PARD6G: variants seen among roughly 807,000 people sequenced by gnomAD.
The protein encoded by PARD6G is par-6 family cell polarity regulator gamma, also known as partitioning defective 6 homolog gamma.
A neutral mutation model predicts 10.7 loss-of-function variants in PARD6G; 7 were observed. That is an observed-to-expected ratio of 0.66 (90% CI 0.37 to 1.23). The LOEUF is 1.23. Among genes scored for constraint, PARD6G ranks in the 50% most tolerant of loss-of-function variants. The pLI is 0.02. For missense variants in PARD6G, 548 were observed against 571.8 expected, an observed-to-expected ratio of 0.96 and a Z score of 0.42; for synonymous variants, 287 against 269.4, an observed-to-expected ratio of 1.07 and a Z score of -0.64.
rs1568422987 is a variant in PARD6G, at chr18:80,158,267, C to T, written c.*1504G>A. 1 of 152,246 alleles carries T rather than the reference C, an allele frequency of 6.6e-6. No individual in the cohort carries two copies. The highest frequency in any genetic ancestry group is 1.5e-5 in the Non-Finnish European group (1 of 68,048). 9.4% of individuals were successfully genotyped at this position (152,246 alleles called of 1,614,324 possible). On this transcript the variant is annotated 3_prime_UTR_variant, in exon 3 of 3. Transcript: ENST00000353265. ...AAATGAAAATTAGCATGTATTGTGA[C>T]TTACTAAAAGAAACGTCTGTTTCAG...
rs1380383665 is a variant in PARD6G, at chr18:80,184,721, C to T, written c.295+17989G>A. Reference sequence around the variant, plus strand: ...ACCATGCACCGTATGATTCCTTTCACGTGAAATTTCCAGAACAGGGAAATG... The same window carrying T: ...ACCATGCACCGTATGATTCCTTTCATGTGAAATTTCCAGAACAGGGAAATG... On this transcript the variant is annotated intron_variant, in intron 2 of 2. Transcript: ENST00000353265. This position sits in a 1 kb window ranked among gnomAD's most constrained non-coding sequence, Gnocchi z 4.5. 1 of 151,678 alleles carries T rather than the reference C, an allele frequency of 6.6e-6. No individual in the cohort carries two copies. Among genetic ancestry groups the T allele is most frequent in the Admixed American group, 6.6e-5 (1 of 15,238 alleles). 9.4% of individuals were successfully genotyped at this position (151,678 alleles called of 1,614,324 possible).
intron 1 of PARD6G, among the ~76,000 whole-genome samples, chr18:80,208,738 G>GT (rs1049399024): frequency 7.9e-5 from 12 of 151,504 alleles, no homozygotes; most frequent in Middle Eastern, 3.4e-3. Flanking sequence ...CCTTGTTTAT[G>GT]TTAAAAAAAA....
At chr18:80,172,014 C>A (rs921652701) in intron 2 of PARD6G, among the ~76,000 whole-genome samples, 5 of 152,214 alleles carry the variant, frequency 3.3e-5, no homozygotes, top group Non-Finnish European at 5.9e-5. Context: ...AGACGCAGAA[C>A]CAAGTTTTTG....
intron 1 of PARD6G, among the ~76,000 whole-genome samples, chr18:80,207,239 T>C (rs1047863030): frequency 1.0e-5 from 1 of 95,544 alleles, no homozygotes; most frequent in African/African-American, 2.9e-5. Context: ...AGATGTTTAT[T>C]TGGATGGCTA....
intron 1 of PARD6G, among the ~76,000 whole-genome samples, chr18:80,223,082 G>C (rs888282054): frequency 1.3e-5 from 2 of 152,168 alleles, no homozygotes; most frequent in East Asian, 3.8e-4. Context: ...AAACAATAAA[G>C]CTGGACCTCT....
intron 2 of PARD6G, among the ~76,000 whole-genome samples, chr18:80,193,885 A>G (rs1966925415): frequency 2.0e-5 from 3 of 152,198 alleles, no homozygotes; most frequent in African/African-American, 7.2e-5. Context: ...GTGTGTGTCA[A>G]GTGCCACAAA....
intron 1 of PARD6G, among the ~76,000 whole-genome samples, chr18:80,244,790 T>C (rs1484973742): frequency 6.6e-6 from 1 of 151,966 alleles, no homozygotes; most frequent in Non-Finnish European, 1.5e-5. Context: ...TACATTGAGG[T>C]TGTCATAAGG....
At chr18:80,191,442 T>C (rs1284997482) in intron 2 of PARD6G, among the ~76,000 whole-genome samples, 2 of 152,166 alleles carry the variant, frequency 1.3e-5, no homozygotes, top group Non-Finnish European at 2.9e-5. Context: ...ATGGAGTCAT[T>C]ACTCAAAACA....
At chr18:80,196,890 TAAAAAAA>T (rs572719232) in intron 2 of PARD6G, among the ~76,000 whole-genome samples, 35 of 88,028 alleles carry the variant, frequency 4.0e-4, no homozygotes, top group East Asian at 2.1e-3. Context: ...TTTCTTTTAT[TAAAAAAA>T]AAAAAAAAAA....
At chr18:80,165,029 C>T (rs1327071608) in intron 2 of PARD6G, among the ~76,000 whole-genome samples, 2 of 152,210 alleles carry the variant, frequency 1.3e-5, no homozygotes, top group Non-Finnish European at 1.5e-5. Flanking sequence ...CTATGTTCAG[C>T]AGTGCACATA....
intron 1 of PARD6G, among the ~76,000 whole-genome samples, chr18:80,226,145 A>C (rs1357962188): frequency 7.7e-5 from 10 of 129,358 alleles, no homozygotes; most frequent in Non-Finnish European, 9.5e-5. Flanking sequence ...GTAACCAATG[A>C]CTTCAGTTTT....
chr18:80,177,565 GC>G (rs1036311678), intron 2 of PARD6G, among the ~76,000 whole-genome samples: 3 of 148,624 alleles, frequency 2.0e-5, no homozygotes, highest in African/African-American at 7.5e-5. Context: ...ATAAATCACA[GC>G]CCAAATGGAA....
In PARD6G at chr18:80,195,578, C is replaced by T. The variant is rs1406762087; in HGVS notation, c.295+7132G>A. On this transcript the variant is annotated intron_variant, in intron 2 of 2. Transcript: ENST00000353265. Reference sequence around the variant, plus strand: ...ATATATATATATATATATATACACACATTTTTTTTTCTTTTTTTTTCTGAC... The same window carrying T: ...ATATATATATATATATATATACACATATTTTTTTTTCTTTTTTTTTCTGAC... Among the ~76,000 whole-genome samples the T allele has an allele frequency of 4.1e-3, 184 of 45,234 alleles. 1 individual carries two copies. The highest frequency in any genetic ancestry group is 6.8e-3 in the South Asian group (9 of 1,332). The allele number at this position is 45,234 out of a possible 152,430, so 29.7% of individuals were successfully genotyped here.
intron 1 of PARD6G, among the ~76,000 whole-genome samples, chr18:80,216,279 A>C (rs1212182580): frequency 6.6e-6 from 1 of 152,140 alleles, no homozygotes; most frequent in Non-Finnish European, 1.5e-5. Context: ...CTAGACCTGG[A>C]AGACATCTGT....
At chr18:80,235,694 A>G (rs1362512886) in intron 1 of PARD6G, among the ~76,000 whole-genome samples, 1 of 152,244 alleles carries the variant, frequency 6.6e-6, no homozygotes, top group Non-Finnish European at 1.5e-5. Flanking sequence ...TCCCACAGAA[A>G]TACAAACTAC....
At chr18:80,239,063 G>T (rs1967460639) in intron 1 of PARD6G, among the ~76,000 whole-genome samples, 1 of 152,150 alleles carries the variant, frequency 6.6e-6, no homozygotes. Flanking sequence ...TGGGGCTGGG[G>T]AGTGGAGCCC....
chr18:80,210,098 G>T (rs1030833548), intron 1 of PARD6G, among the ~76,000 whole-genome samples: 1 of 152,136 alleles, frequency 6.6e-6, no homozygotes, highest in Non-Finnish European at 1.5e-5. Context: ...GTTCCATACA[G>T]CTCTTGGTCA....
At chr18:80,177,218 GCACACACACACA>G (rs35217634) in intron 2 of PARD6G, among the ~76,000 whole-genome samples, 3 of 98,784 alleles carry the variant, frequency 3.0e-5, no homozygotes, top group Admixed American at 1.2e-4. Flanking sequence ...AATGGGAAGC[GCACACACACACA>G]CACACACACA....
intron 1 of PARD6G, among the ~76,000 whole-genome samples, chr18:80,234,510 G>C (rs2145303928): frequency 6.6e-6 from 1 of 152,180 alleles, no homozygotes; most frequent in South Asian, 2.1e-4. Context: ...TCCAGACAGG[G>C]GTCACAGTCT....
Sources: gnomAD v4.1 joint callset for allele counts (sites outside exome capture counted in the v4.1 genomes callset) on GRCh38, gnomAD v4.1.1 for gene constraint, Gnocchi (gnomAD v3.1) non-coding constraint, MANE v1.5 for transcripts, NCBI Gene and HGNC (gene_info 2026-07-23, HGNC 2026-07-21) for gene names.